The following SGCD variants were observed in gnomAD, a reference collection of about 807,000 sequenced individuals.
The protein encoded by SGCD is sarcoglycan delta.
A neutral mutation model predicts 36.6 loss-of-function variants in SGCD; 18 were observed. That is an observed-to-expected ratio of 0.49 (90% CI 0.34 to 0.73). The LOEUF is 0.73. SGCD is among the 30% of genes least tolerant of loss of function. The pLI, the probability that SGCD is intolerant of heterozygous loss-of-function variation, is 0.01. For missense variants in SGCD, 387 were observed against 346.7 expected, an observed-to-expected ratio of 1.12 and a Z score of -0.92; for synonymous variants, 133 against 130.6, an observed-to-expected ratio of 1.02 and a Z score of -0.12.
At chr5:156,562,217 G>C (rs1307693335) in intron 4 of SGCD, among the ~76,000 whole-genome samples, 1 of 152,156 alleles carries the variant, frequency 6.6e-6, no homozygotes, top group Non-Finnish European at 1.5e-5. Flanking sequence ...TGCAAAGATA[G>C]TTACTGTGTG....
intron 1 of SGCD, among the ~76,000 whole-genome samples, chr5:156,077,721 A>G (rs1430905430): frequency 1.3e-5 from 2 of 152,148 alleles, no homozygotes; most frequent in Non-Finnish European, 2.9e-5. Flanking sequence ...ACACCCCTAG[A>G]TAATCTCTCC....
At chr5:156,481,091 C>T (rs1252603903) in intron 3 of SGCD, among the ~76,000 whole-genome samples, 1 of 152,198 alleles carries the variant, frequency 6.6e-6, no homozygotes, top group Non-Finnish European at 1.5e-5. Context: ...AATAGTATGA[C>T]TCCATAATGT....
chr5:156,073,044 C>T (rs1003414956), intron 1 of SGCD, among the ~76,000 whole-genome samples: 6 of 152,092 alleles, frequency 3.9e-5, no homozygotes, highest in African/African-American at 1.2e-4. Context: ...AAATTTTTTT[C>T]AAAGTTTTCA....
chr5:155,849,787 C>A, the SGCD span, among the ~76,000 whole-genome samples: 1 of 152,250 alleles, frequency 6.6e-6, no homozygotes, highest in East Asian at 1.9e-4. Flanking sequence ...TTAATAGACA[C>A]CCCAAATGTT....
chr5:156,123,161 A>G (rs1263129975), intron 2 of SGCD, among the ~76,000 whole-genome samples: 1 of 152,084 alleles, frequency 6.6e-6, no homozygotes, highest in African/African-American at 2.4e-5. Context: ...GTTGTTGAAG[A>G]GTCAGTTGAT....
intron 3 of SGCD, among the ~76,000 whole-genome samples, chr5:156,430,551 C>G (rs1351390730): frequency 6.6e-6 from 1 of 151,968 alleles, no homozygotes; most frequent in African/African-American, 2.4e-5. Context: ...TTTGGGGTAC[C>G]ATAGATCCCT....
At position 156,356,953 on chromosome 5, in the gene SGCD, A is replaced by G. The variant is rs139691718; in HGVS notation, c.192+12276A>G. 7.2e-5 allele frequency among the ~76,000 whole-genome samples: 11 copies of G among 152,350 alleles called. No homozygotes were observed. The East Asian group carries it at 2.1e-3, about 29-fold the overall frequency. ...CTAGAATTGGGAAGAGACAAGGGATAGATTTTCGTCTAGAGCCTCCAGAGG... is the reference window on the plus strand; with the variant it reads ...CTAGAATTGGGAAGAGACAAGGGATGGATTTTCGTCTAGAGCCTCCAGAGG... On this transcript the variant is annotated intron_variant, in intron 3 of 8. Coordinates refer to ENST00000337851, the MANE Select transcript of SGCD (RefSeq NM_000337.6).
intron 6 of SGCD, among the ~76,000 whole-genome samples, chr5:156,603,073 G>A (rs1297092830): frequency 6.6e-6 from 1 of 151,974 alleles, no homozygotes; most frequent in East Asian, 1.9e-4. Flanking sequence ...TATGTCCTGG[G>A]CTTTTCTTTG....
chr5:156,464,911 T>C (rs1242388881), intron 3 of SGCD, among the ~76,000 whole-genome samples: 3 of 152,202 alleles, frequency 2.0e-5, no homozygotes, highest in Admixed American at 2.0e-4. Flanking sequence ...CCAACCATTC[T>C]ATGGCTTTAA....
At chr5:155,735,661 G>A in the SGCD span, among the ~76,000 whole-genome samples, 14 of 152,198 alleles carry the variant, frequency 9.2e-5, no homozygotes, top group Admixed American at 9.2e-4. Flanking sequence ...GCAAGCATAG[G>A]TAGATACACA....
chr5:155,861,614 A>G, the SGCD span, among the ~76,000 whole-genome samples: 1 of 152,166 alleles, frequency 6.6e-6, no homozygotes, highest in African/African-American at 2.4e-5. Context: ...GCTACTCAGG[A>G]GGTTGAGGCA....
chr5:156,244,929 A>G (rs1020086446), intron 3 of SGCD, among the ~76,000 whole-genome samples: 2 of 152,234 alleles, frequency 1.3e-5, no homozygotes, highest in Non-Finnish European at 2.9e-5. Context: ...ATTACTTAGA[A>G]TAAAGTCCAG....
At chr5:156,631,035 T>G (rs1415796969) in intron 6 of SGCD, among the ~76,000 whole-genome samples, 1 of 152,148 alleles carries the variant, frequency 6.6e-6, no homozygotes, top group African/African-American at 2.4e-5. Context: ...AAGGGCAATA[T>G]GGTCATAGAT....
chr5:156,187,791 T>C (rs1313463626), intron 3 of SGCD, among the ~76,000 whole-genome samples: 1 of 152,152 alleles, frequency 6.6e-6, no homozygotes, highest in Non-Finnish European at 1.5e-5. Flanking sequence ...GATGATGTAA[T>C]GAAAATTCAT....
chr5:156,597,121 G>C (rs112281396), intron 6 of SGCD, among the ~76,000 whole-genome samples: 1 of 152,244 alleles, frequency 6.6e-6, no homozygotes, highest in Non-Finnish European at 1.5e-5. Flanking sequence ...TTCTTTCAGG[G>C]CCTTGCTTTT....
intron 1 of SGCD, among the ~76,000 whole-genome samples, chr5:155,881,205 G>A (rs1312797227): frequency 6.6e-6 from 1 of 151,792 alleles, no homozygotes; most frequent in Non-Finnish European, 1.5e-5. Flanking sequence ...AGCTTTTAAA[G>A]ATATAAGAAA....
At chr5:155,788,849 A>G in the SGCD span, among the ~76,000 whole-genome samples, 1 of 152,140 alleles carries the variant, frequency 6.6e-6, no homozygotes, top group South Asian at 2.1e-4. Flanking sequence ...CACAGCCTGA[A>G]GATCAAGAAC....
chr5:155,747,734 T>A, the SGCD span, among the ~76,000 whole-genome samples: 2 of 152,190 alleles, frequency 1.3e-5, no homozygotes, highest in Non-Finnish European at 2.9e-5. Flanking sequence ...AGATAATATT[T>A]ATGGGAAATC....
At chr5:156,071,304 G>A (rs892645174) in intron 1 of SGCD, among the ~76,000 whole-genome samples, 11 of 152,204 alleles carry the variant, frequency 7.2e-5, no homozygotes, top group Admixed American at 5.9e-4. Flanking sequence ...TGCTTTGAAT[G>A]TGTCCCAGAG....
Sources: gnomAD v4.1 joint callset for allele counts (sites outside exome capture counted in the v4.1 genomes callset) on GRCh38, gnomAD v4.1.1 for gene constraint, MANE v1.5 for transcripts, NCBI Gene and HGNC (gene_info 2026-07-23, HGNC 2026-07-21) for gene names.